ROBO1: variants seen among roughly 807,000 people sequenced by gnomAD.
ROBO1 encodes roundabout guidance receptor 1, also known as roundabout homolog 1.
ROBO1 carries 149 observed loss-of-function variants against 195.9 expected under a neutral mutation model. The observed-to-expected ratio is 0.76, with a 90% confidence interval of 0.67 to 0.87. The LOEUF (loss-of-function observed/expected upper bound fraction) is 0.87, where lower values mean the gene tolerates loss of function less well. Ranked by LOEUF, ROBO1 falls within the 40% of genes least tolerant of loss-of-function variation. The pLI, the probability that ROBO1 is intolerant of heterozygous loss-of-function variation, is 0.00. For synonymous variants in ROBO1, 816 were observed against 733.2 expected (o/e 1.11, Z -1.82); for missense variants, 1,933 against 2,068.3 (o/e 0.93, Z 1.27).
intron 28 of ROBO1, among the ~76,000 whole-genome samples, chr3:78,609,723 T>C (rs1015605359): frequency 6.6e-6 from 1 of 152,196 alleles, no homozygotes; most frequent in Non-Finnish European, 1.5e-5. Flanking sequence ...CCATTGACCA[T>C]CATTTTCATG....
intron 3 of ROBO1, among the ~76,000 whole-genome samples, chr3:79,017,450 AGTGTGTGTGTGTGTGTGTGTGTGTGT>A (rs60522056): frequency 7.5e-6 from 1 of 133,432 alleles, no homozygotes; most frequent in South Asian, 2.6e-4. Flanking sequence ...TCCGAGGTGC[AGTGTGTGTGTGTGTGTGTGTGTGTGT>A]GTGTGTGTGT....
At position 78,717,424 on chromosome 3, in the gene ROBO1, A is replaced by G. The variant is rs1415570492; in HGVS notation, c.779-11T>C. On this transcript the variant is annotated splice_polypyrimidine_tract_variant and intron_variant, in intron 6 of 30. Transcript: ENST00000464233. ...CAAATGATGGTCTCTCTAAAATTAAAAAGAGTCATCTTAAGGTAAAATTTT... is the reference window on the plus strand; with the variant it reads ...CAAATGATGGTCTCTCTAAAATTAAGAAGAGTCATCTTAAGGTAAAATTTT... 6.2e-7 allele frequency: 1 copy of G among 1,613,022 alleles called. No individual in the cohort carries two copies. The highest frequency in any genetic ancestry group is 1.7e-4 in the Middle Eastern group (1 of 6,054).
chr3:79,594,858 G>T (rs2107836743), intron 1 of ROBO1, among the ~76,000 whole-genome samples: 1 of 152,134 alleles, frequency 6.6e-6, no homozygotes, highest in Non-Finnish European at 1.5e-5. Flanking sequence ...TTGTGTATTT[G>T]TATTTGCACA....
At chr3:78,611,402 C>T (rs1482587385) in intron 28 of ROBO1, among the ~76,000 whole-genome samples, 1 of 152,168 alleles carries the variant, frequency 6.6e-6, no homozygotes, top group Non-Finnish European at 1.5e-5. Context: ...CCTAGAAATG[C>T]ACTTATTCCT....
intron 2 of ROBO1, among the ~76,000 whole-genome samples, chr3:79,379,141 T>C (rs1188121484): frequency 6.6e-6 from 1 of 152,148 alleles, no homozygotes; most frequent in Non-Finnish European, 1.5e-5. Flanking sequence ...AAGTCAACTC[T>C]TTACAGATAA....
chr3:78,902,736 G>A (rs991381578), intron 4 of ROBO1, among the ~76,000 whole-genome samples: 3 of 152,170 alleles, frequency 2.0e-5, no homozygotes, highest in African/African-American at 4.8e-5. Context: ...CCAGCTACTC[G>A]GAAGGCTTGA....
intron 29 of ROBO1, among the ~76,000 whole-genome samples, chr3:78,604,584 T>C (rs977682442): frequency 2.6e-5 from 4 of 152,210 alleles, no homozygotes; most frequent in Non-Finnish European, 5.9e-5. Context: ...ATCAAGGACA[T>C]TGTGGTCACA....
intron 3 of ROBO1, among the ~76,000 whole-genome samples, chr3:79,088,892 T>C (rs2079425150): frequency 1.3e-5 from 2 of 152,062 alleles, no homozygotes; most frequent in Non-Finnish European, 2.9e-5. Context: ...TAATAAACCT[T>C]ATGGGAACAA....
intron 2 of ROBO1, among the ~76,000 whole-genome samples, chr3:79,254,847 T>C (rs1369854061): frequency 6.6e-6 from 1 of 152,180 alleles, no homozygotes; most frequent in Non-Finnish European, 1.5e-5. Flanking sequence ...TTCTCAGAGC[T>C]GTGTCTAGCA....
chr3:78,944,874 G>A (rs79144923), intron 3 of ROBO1, among the ~76,000 whole-genome samples: 17 of 152,288 alleles, frequency 1.1e-4, no homozygotes, highest in East Asian at 1.9e-4. Flanking sequence ...TATCCCGCAC[G>A]TGGCTCACAG....
intron 1 of ROBO1, among the ~76,000 whole-genome samples, chr3:79,641,883 A>C (rs1945673882): frequency 6.6e-6 from 1 of 152,010 alleles, no homozygotes; most frequent in East Asian, 1.9e-4. Flanking sequence ...GCCAGGCATG[A>C]GGCCTGGTAC....
intron 2 of ROBO1, among the ~76,000 whole-genome samples, chr3:79,418,000 G>C (rs1168584245): frequency 6.6e-6 from 1 of 152,114 alleles, no homozygotes; most frequent in East Asian, 1.9e-4. Flanking sequence ...TCATAAGATA[G>C]ATAGCCCTAT....
At chr3:79,662,041 G>A (rs906032194) in intron 1 of ROBO1, among the ~76,000 whole-genome samples, 3 of 151,820 alleles carry the variant, frequency 2.0e-5, no homozygotes, top group Non-Finnish European at 4.4e-5. Context: ...CTTTTTTACA[G>A]GTTTTCTATG....
At chr3:78,661,891 T>C (rs1312179037) in intron 15 of ROBO1, 102 bp downstream of exon 15, 1 of 1,304,594 alleles carries the variant, frequency 7.7e-7, no homozygotes, top group African/African-American at 1.5e-5. Context: ...TATAAAGTTA[T>C]CATTAATGTA....
At chr3:79,298,252 T>G (rs1024257882) in intron 2 of ROBO1, among the ~76,000 whole-genome samples, 1 of 152,148 alleles carries the variant, frequency 6.6e-6, no homozygotes, top group Non-Finnish European at 1.5e-5. Context: ...CATGATTGAT[T>G]GGCAACATAC....
intron 2 of ROBO1, chr3:79,508,108 G>C (rs996039320): frequency 7.9e-5 from 12 of 151,966 alleles, no homozygotes; most frequent in Admixed American, 6.6e-4. Context: ...CTGTTGGGGG[G>C]TGGGGAGCTT....
intron 19 of ROBO1, 45 bp from the exon 20 acceptor site, chr3:78,647,700 G>T: frequency 1.3e-6 from 2 of 1,507,902 alleles, no homozygotes; most frequent in Non-Finnish European, 1.8e-6. Flanking sequence ...AAGCTGAAGA[G>T]AGAAAGGGAA....
intron 2 of ROBO1, among the ~76,000 whole-genome samples, chr3:79,310,839 T>A (rs1226201251): frequency 2.0e-5 from 3 of 152,206 alleles, no homozygotes; most frequent in Non-Finnish European, 4.4e-5. Flanking sequence ...GTAATGCATT[T>A]TCTGAAATCC....
chr3:79,727,707 A>G (rs1702979950), intron 1 of ROBO1, among the ~76,000 whole-genome samples: 1 of 152,154 alleles, frequency 6.6e-6, no homozygotes, highest in Non-Finnish European at 1.5e-5. Flanking sequence ...ATTTTAAAAA[A>G]TCATGTATTT....
Sources: allele counts gnomAD v4.1 joint callset (sites outside exome capture counted in the v4.1 genomes callset), GRCh38; gene constraint gnomAD v4.1.1; transcripts MANE v1.5; gene names NCBI Gene and HGNC (gene_info 2026-07-23, HGNC 2026-07-21).